Variants in GCFC2 observed in about 807,000 individuals in gnomAD.
GCFC2 encodes the protein intron Large complex component GCFC2.
GCFC2 carries 102 observed loss-of-function variants against 99.4 expected under a neutral mutation model. That is an observed-to-expected ratio of 1.03 (90% CI 0.87 to 1.21). The LOEUF (loss-of-function observed/expected upper bound fraction) is 1.21. Ranked by LOEUF, GCFC2 falls within the 50% of genes most tolerant of loss-of-function variation. GCFC2 has a pLI of 0.00. For missense variants in GCFC2, 973 were observed against 920.9 expected (o/e 1.06, Z -0.73); for synonymous variants, 338 against 316.8 (o/e 1.07, Z -0.71).
rs78118192 is a variant in GCFC2 at position 75,670,073 on chromosome 2, T to C, written c.2103+65A>G. The C allele has an allele frequency of 1.6e-3, 1,716 of 1,087,734 alleles. 14 individuals carry two copies. The African/African-American group carries it at 0.025, about 16-fold the overall frequency. 67.4% of individuals were successfully genotyped at this position (1,087,734 alleles called of 1,614,324 possible). A position where few individuals can be genotyped will look rare whatever the true frequency, so the allele number is the denominator to read the frequency against. On this transcript the variant is annotated intron_variant, in intron 15 of 16. Coordinates refer to ENST00000321027, the MANE Select transcript of GCFC2 (RefSeq NM_003203.5). ...CACATTTAATTATTTTGCTAAATAA[T>C]AGATTTTAATAGCTAAATTTTTTAG...
rs763563539 is a variant in GCFC2, at chr2:75,691,927, T to G, written c.1144+50A>C. On this transcript the variant is annotated intron_variant, in intron 7 of 16. Coordinates refer to ENST00000321027, the MANE Select transcript of GCFC2 (RefSeq NM_003203.5). ...AATAAAAATATTTTTATTCTTCACA[T>G]AATTTAGCTTAATGAATAATAAATT... The G allele has an allele frequency of 2.9e-6, 3 of 1,017,204 alleles. No homozygotes were observed. The South Asian group carries it at 6.7e-5, about 23-fold the overall frequency. The allele number at this position is 1,017,204 out of a possible 1,614,324, so 63.0% of individuals were successfully genotyped here.
At chr2:75,708,323 T>G (rs900223240) in intron 1 of GCFC2, among the ~76,000 whole-genome samples, 1 of 152,106 alleles carries the variant, frequency 6.6e-6, no homozygotes, top group African/African-American at 2.4e-5. Context: ...TTTGGTATTG[T>G]ACAATAAAAT....
intron 11 of GCFC2, among the ~76,000 whole-genome samples, chr2:75,684,692 A>G (rs1679735263): frequency 6.6e-6 from 1 of 152,222 alleles, no homozygotes; most frequent in Admixed American, 6.5e-5. Flanking sequence ...TAACCCAGCC[A>G]TGCTATTACT....
intron 11 of GCFC2, among the ~76,000 whole-genome samples, chr2:75,683,126 C>A (rs957012504): frequency 6.6e-6 from 1 of 151,620 alleles, no homozygotes; most frequent in East Asian, 1.9e-4. Context: ...AAGAGCAACC[C>A]CAAGACACAT....
intron 1 of GCFC2, among the ~76,000 whole-genome samples, chr2:75,708,700 G>A (rs1051100208): frequency 6.6e-6 from 1 of 151,548 alleles, no homozygotes; most frequent in Non-Finnish European, 1.5e-5. Flanking sequence ...TAGTAGAGAT[G>A]GGGTTTCACC....
chr2:75,698,175 T>C (rs1481301322), intron 4 of GCFC2, among the ~76,000 whole-genome samples: 1 of 152,220 alleles, frequency 6.6e-6, no homozygotes, highest in Non-Finnish European at 1.5e-5. Flanking sequence ...GGCAAGATTA[T>C]GGTAAAATAT....
At chr2:75,677,433 C>T (rs1456460179) in intron 12 of GCFC2, among the ~76,000 whole-genome samples, 6 of 152,202 alleles carry the variant, frequency 3.9e-5, no homozygotes, top group African/African-American at 1.4e-4. Context: ...GCCATTTTGC[C>T]ATCCCTAGGG....
chr2:75,666,290 T>G (rs916435410), intron 15 of GCFC2, among the ~76,000 whole-genome samples: 2 of 152,236 alleles, frequency 1.3e-5, no homozygotes, highest in African/African-American at 4.8e-5. Context: ...CTGGTAGTAC[T>G]AGTAATTCTT....
chr2:75,694,712 G>A (rs1238935997), intron 5 of GCFC2, among the ~76,000 whole-genome samples: 4 of 152,038 alleles, frequency 2.6e-5, no homozygotes, highest in African/African-American at 7.2e-5. Context: ...ATGTATAGTA[G>A]GCATTATTAA....
chr2:75,707,223 T>C (rs148123265), intron 1 of GCFC2, among the ~76,000 whole-genome samples: 14 of 152,322 alleles, frequency 9.2e-5, no homozygotes, highest in Middle Eastern at 3.4e-3. Context: ...GCGAGAAATA[T>C]TGTAACGAGC....
Position 75,701,920 on chromosome 2 carries a change from G to T in GCFC2, c.619+279C>A, listed in dbSNP as rs1680609452. The T allele has an allele frequency of 1.1e-5, 13 of 1,168,430 alleles. 1 individual carries two copies. The South Asian group carries it at 3.0e-4, about 27-fold the overall frequency. 72.4% of individuals were successfully genotyped at this position (1,168,430 alleles called of 1,614,324 possible). ...ACAGGTAAAAACGATCGTTTTCAAT[G>T]CTTTGAAAGTAAGATACTGCACATT... On this transcript the variant is annotated intron_variant, in intron 3 of 16. Transcript: ENST00000321027.
At position 75,662,748 on chromosome 2, in the gene GCFC2, AAGGT is replaced by A. The variant is rs1361502954; in HGVS notation, c.*1914_*1917del. 6.6e-6 allele frequency: 1 copy of A among 152,102 alleles called. No individual in the cohort carries two copies. The highest frequency in any genetic ancestry group is 2.1e-4 in the South Asian group (1 of 4,822). The allele number at this position is 152,102 out of a possible 1,614,324, so 9.4% of individuals were successfully genotyped here. ...GTTTTAATATTTTATCTTCCACAAA[AAGGT>A]AGGAAAGTTTCTGTGCTGAACTTAA... On this transcript the variant is annotated 3_prime_UTR_variant, in exon 17 of 17. Transcript: ENST00000321027.
chr2:75,695,923 TATGA>T (rs1680297424), intron 5 of GCFC2, among the ~76,000 whole-genome samples: 1 of 152,168 alleles, frequency 6.6e-6, no homozygotes, highest in African/African-American at 2.4e-5. Flanking sequence ...ATTTAAAACA[TATGA>T]ATTGTTTATT....
chr2:75,688,877 C>A, intron 10 of GCFC2, 149 bp downstream of exon 10: 1 of 542,804 alleles, frequency 1.8e-6, no homozygotes, highest in East Asian at 3.3e-5. Context: ...AGAATGTAGC[C>A]GAAAGCACAC....
Position 75,710,842 on chromosome 2 carries a change from G to A in GCFC2, c.14C>T (p.Pro5Leu). The change falls in exon 1 of 17, where the codon CCG becomes CTG. Residue 5 changes from proline to leucine, a missense_variant. Coordinates refer to ENST00000321027, the MANE Select transcript of GCFC2 (RefSeq NM_003203.5). MAHR[P>L]KRTFRQRAAD... ...CGCGCGCTGCCGAAAAGTCCTTTTC[G>A]GCCTGTGAGCCATGGCCGAGGCCCG... 2 of 1,574,678 alleles carry A rather than the reference G, an allele frequency of 1.3e-6. No individual in the cohort carries two copies. Among genetic ancestry groups the A allele is most frequent in the Admixed American group, 1.7e-5 (1 of 58,032 alleles).
At position 75,664,701 on chromosome 2, in the gene GCFC2, G is replaced by T; in HGVS notation, c.2311C>A (p.Leu771Ile). ...TTAATTAGTGATTTAAGATGGTCTA[G>T]GTGATGCTCTCCTATGAAGGATTCT... ...QAESFIGEHH[L>I]DHLKSLIKED The change falls in exon 17 of 17, where the codon CTA (leucine) becomes ATA (isoleucine). Residue 771 changes from leucine to isoleucine, a missense_variant. Coordinates refer to ENST00000321027, the MANE Select transcript of GCFC2 (RefSeq NM_003203.5). 1 of 1,535,094 alleles carries T rather than the reference G, an allele frequency of 6.5e-7. No homozygotes were observed. The highest frequency in any genetic ancestry group is 9.0e-7 in the Non-Finnish European group (1 of 1,109,828).
intron 12 of GCFC2, among the ~76,000 whole-genome samples, chr2:75,675,009 T>C (rs1326719124): frequency 1.3e-5 from 2 of 152,224 alleles, no homozygotes; most frequent in Non-Finnish European, 2.9e-5. Context: ...GTGTTCATGA[T>C]ACAAAAAAAG....
At chr2:75,670,439 C>A (rs6745805) in intron 14 of GCFC2, 155 bp from the exon 15 acceptor site, 6,145 of 504,906 alleles carry the variant, frequency 0.012, 317 homozygotes, top group African/African-American at 0.11. Context: ...TGAATAAATA[C>A]TTGATTCTTT....
chr2:75,682,332 C>T (rs1026193733), intron 11 of GCFC2, among the ~76,000 whole-genome samples: 2 of 151,882 alleles, frequency 1.3e-5, no homozygotes, highest in Non-Finnish European at 2.9e-5. Context: ...CAGCAAACTC[C>T]AGCAGACCTA....
Sources: gnomAD v4.1 joint callset for allele counts (sites outside exome capture counted in the v4.1 genomes callset) on GRCh38, gnomAD v4.1.1 for gene constraint, MANE v1.5 for transcripts, NCBI Gene and HGNC (gene_info 2026-07-23, HGNC 2026-07-21) for gene names.